Variants in CYFIP1 observed in about 807,000 individuals in gnomAD.
CYFIP1 encodes the protein cytoplasmic FMR1-interacting protein 1.
Under a neutral mutation model 163.5 loss-of-function variants are expected in CYFIP1, and 58 were observed. The observed-to-expected ratio is 0.35, with a 90% CI of 0.29 to 0.44. The LOEUF (loss-of-function observed/expected upper bound fraction) is 0.44, where lower values mean the gene tolerates loss of function less well. CYFIP1 is among the 20% of genes least tolerant of loss of function. The pLI is 1.00. For synonymous variants in CYFIP1, 663 were observed against 660.7 expected (o/e 1.00, Z -0.05); for missense variants, 1,338 against 1,653.8 (o/e 0.81, Z 3.31).
rs1232298059 is a variant in CYFIP1, at chr15:22,917,777, G to A, written c.1674+11C>T. 1 of 1,592,618 alleles carries A rather than the reference G, an allele frequency of 6.3e-7. No homozygotes were observed. The highest frequency in any genetic ancestry group is 1.7e-5 in the Admixed American group (1 of 58,152). On this transcript the variant is annotated intron_variant, in intron 15 of 30. Coordinates refer to ENST00000617928, the MANE Select transcript of CYFIP1 (RefSeq NM_014608.6). This position sits in a 1 kb window ranked among gnomAD's most constrained non-coding sequence, Gnocchi z 4.2. ...GGGAGAGGGTGCAGGCGGGGCTCAA[G>A]GGACGAGAACCTGAGTGCTGGAGGG...
At chr15:22,870,232 T>TC (rs1167788584) in intron 30 of CYFIP1, 40 bp from the exon 31 acceptor site, 1 of 1,548,368 alleles carries the variant, frequency 6.5e-7, no homozygotes, top group Non-Finnish European at 8.7e-7. Flanking sequence ...TATTAACACT[T>TC]CAACATTTAT....
rs563127436 is a variant in CYFIP1, at chr15:22,916,924, G to A, written c.1675-294C>T. ...GGTAGGTAGGTGCACGACTGCCTCA[G>A]AAACGTGTTAACCGCATGCAAGAGC... On this transcript the variant is annotated intron_variant, in intron 15 of 30. Coordinates refer to ENST00000617928, the MANE Select transcript of CYFIP1 (RefSeq NM_014608.6). The A allele has an allele frequency of 9.0e-6, 14 of 1,551,750 alleles. No individual in the cohort carries two copies. In the East Asian group the frequency reaches 2.0e-4, roughly 22 times the overall value.
At chr15:22,873,042 C>T in intron 29 of CYFIP1, 70 bp from the exon 30 acceptor site, 2 of 1,555,404 alleles carry the variant, frequency 1.3e-6, no homozygotes, top group Middle Eastern at 3.4e-4. Context: ...CAGTCTGTCT[C>T]CAGATGTCAG....
chr15:22,869,993 A>AT lies in CYFIP1; in HGVS notation c.*34dup. 1.3e-6 allele frequency: 2 copies of AT among 1,535,258 alleles called. No homozygotes were observed. ...CTAAATAGTTTACGGAGAGAAAGGC[A>AT]TGCCATGTTGAGTTACGGAGTGCAG... On this transcript the variant is annotated 3_prime_UTR_variant, in exon 31 of 31. Coordinates refer to ENST00000617928, the MANE Select transcript of CYFIP1 (RefSeq NM_014608.6).
At position 22,932,348 on chromosome 15, in the gene CYFIP1, G is replaced by A. The variant is rs1161042385; in HGVS notation, c.993-8C>T. The A allele has an allele frequency of 2.0e-5, 31 of 1,584,768 alleles. No homozygotes were observed. Among genetic ancestry groups the A allele is most frequent in the East Asian group, 9.3e-5 (4 of 43,190 alleles). On this transcript the variant is annotated splice_polypyrimidine_tract_variant and splice_region_variant and intron_variant, in intron 10 of 30. Transcript: ENST00000617928. ...GAGGATGTGCACGTCCATCTGTGCA[G>A]AGAGAAAGCACCCGCGTTACCTGCG...
chr15:22,912,666 C>T (rs1452297104), intron 17 of CYFIP1, among the ~76,000 whole-genome samples: 1 of 152,220 alleles, frequency 6.6e-6, no homozygotes, highest in Non-Finnish European at 1.5e-5. Context: ...TGCCTGTAAT[C>T]CCAGCACTTT....
At chr15:22,905,036 C>G (rs894540165) in intron 21 of CYFIP1, 2 of 152,176 alleles carry the variant, frequency 1.3e-5, no homozygotes, top group African/African-American at 4.8e-5. Context: ...ATTCACAGTT[C>G]CTTTCCTTGG....
At chr15:22,909,376 C>T (rs908750786) in intron 20 of CYFIP1, 63 bp from the exon 21 acceptor site, 27 of 1,597,472 alleles carry the variant, frequency 1.7e-5, no homozygotes, top group Admixed American at 6.7e-5. Context: ...AAACAACAAA[C>T]GCCTCACCAG....
chr15:22,906,616 C>A (rs576965119), intron 21 of CYFIP1, among the ~76,000 whole-genome samples: 8 of 152,046 alleles, frequency 5.3e-5, no homozygotes, highest in Non-Finnish European at 1.2e-4. Flanking sequence ...CAGGCGTCCG[C>A]CATCAAGCCT....
At chr15:22,903,984 C>T (rs2060488757) in intron 21 of CYFIP1, 79 bp from the exon 22 acceptor site, 1 of 1,315,638 alleles carries the variant, frequency 7.6e-7, no homozygotes, top group South Asian at 1.2e-5. Flanking sequence ...TGATCCCACC[C>T]AGGCCTCACA....
In CYFIP1 at chr15:22,873,413, G is replaced by A. The variant is rs1366571388; in HGVS notation, c.3449+78C>T. ...ACTTCCTGAGCATGGCTGGCTGCTT[G>A]TTAGCCTAACACGCCTCCCCTCCCC... On this transcript the variant is annotated intron_variant, in intron 29 of 30. Coordinates refer to ENST00000617928, the MANE Select transcript of CYFIP1 (RefSeq NM_014608.6). 11 of 1,229,316 alleles carry A rather than the reference G, an allele frequency of 8.9e-6. No individual in the cohort carries two copies. In the East Asian group the frequency reaches 2.1e-4, roughly 24 times the overall value. The allele number at this position is 1,229,316 out of a possible 1,614,324, so 76.2% of individuals were successfully genotyped here.
chr15:22,938,556 G>A (rs752709058), intron 8 of CYFIP1, among the ~76,000 whole-genome samples: 3 of 151,802 alleles, frequency 2.0e-5, no homozygotes, highest in Non-Finnish European at 4.4e-5. Context: ...AGTGAGCTGT[G>A]TCCGCACCAT....
chr15:22,910,932 C>G lies in CYFIP1; in HGVS notation c.2083-119G>C, dbSNP rs142739050. The G allele has an allele frequency of 1.8e-5, 16 of 871,208 alleles. No individual in the cohort carries two copies. The Admixed American group carries it at 3.4e-4, about 19-fold the overall frequency. The allele number at this position is 871,208 out of a possible 1,614,324, so 54.0% of individuals were successfully genotyped here. ...CTGAGGCTCTTTTATTTTTTTGAGA[C>G]GGAGTCTTGCTCTGTTGCCCAGGCT... is the stretch of plus-strand genomic sequence containing the variant. On this transcript the variant is annotated intron_variant, in intron 18 of 30. Transcript: ENST00000617928.
rs1213580906 is a variant in CYFIP1 at position 22,903,733 on chromosome 15, T to C, written c.2561A>G (p.Asn854Ser). The C allele has an allele frequency of 6.2e-7, 1 of 1,613,802 alleles. No individual in the cohort carries two copies. The change falls in exon 22 of 31, where the codon AAC (asparagine) becomes AGC (serine). Residue 854 changes from asparagine (N) to serine (S), a missense_variant. Physicochemically the swap from Asn to Ser is conservative, Grantham distance 46 (BLOSUM62 1). Around this residue, in one of 4 missense-constraint regions of CYFIP1, gnomAD observed 824 missense variants for 995.7 expected, o/e 0.83. Transcript: ENST00000617928. ...FWELNYDFLPNYCYNGSTNRF... is the reference protein window; with the variant it reads ...FWELNYDFLPSYCYNGSTNRF... ...GTTGGTAGAGCCGTTGTAGCAGTAG[T>C]TGGGCAGGAAGTCATAGTTGAGCTC... is the stretch of plus-strand genomic sequence containing the variant.
In CYFIP1 at chr15:22,939,293, A is replaced by C. The variant is rs1200141290; in HGVS notation, c.694T>G (p.Ser232Ala). 1 of 1,614,172 alleles carries C rather than the reference A, an allele frequency of 6.2e-7. No individual in the cohort carries two copies. The highest frequency in any genetic ancestry group is 8.5e-7 in the Non-Finnish European group (1 of 1,180,016). ...TCTGCCAGGAGCTCTTCGTAGCCAG[A>C]AATCACTTCGAGCTGCTGCTGCAGA... ...QSLQQQLEVI[S>A]GYEELLADIV... Residue 232 changes from serine to alanine, a missense_variant, in exon 8 of 31, where the codon TCT becomes GCT. Transcript: ENST00000617928.
rs1357339194 is a variant in CYFIP1, at chr15:22,939,468, G to A, written c.609C>T (p.Ser203=). ...TGGACAGATTCTGCGATTCCTGGAT[G>A]GACTGTGGATCTGCCATTTTACGTA... ...QFLRKMADPQ[S]IQESQNLSMF... Residue 203 remains serine (S), a synonymous_variant, in exon 7 of 31, where the codon TCC becomes TCT. Transcript: ENST00000617928. 2.5e-6 allele frequency: 4 copies of A among 1,610,754 alleles called. No individual in the cohort carries two copies. In the South Asian group the frequency reaches 4.4e-5, roughly 18 times the overall value.
At chr15:22,926,558 C>T (rs1399495521) in intron 12 of CYFIP1, among the ~76,000 whole-genome samples, 2 of 152,094 alleles carry the variant, frequency 1.3e-5, no homozygotes, top group Non-Finnish European at 2.9e-5. Context: ...TTTCAAATGA[C>T]CATGTACTCT....
intron 23 of CYFIP1, among the ~76,000 whole-genome samples, chr15:22,887,675 C>T (rs1433435373): frequency 5.3e-5 from 8 of 152,148 alleles, no homozygotes; most frequent in Admixed American, 3.9e-4. Context: ...AAAGATGACA[C>T]ATCCGAGAGA....
At chr15:22,932,636 C>T (rs926389046) in intron 10 of CYFIP1, among the ~76,000 whole-genome samples, 3 of 152,138 alleles carry the variant, frequency 2.0e-5, no homozygotes, top group Admixed American at 1.3e-4. Flanking sequence ...GCTACGGGCA[C>T]AGTGCTTGGC....
Sources: allele counts gnomAD v4.1 joint callset (sites outside exome capture counted in the v4.1 genomes callset), GRCh38; gene constraint gnomAD v4.1.1; regional missense constraint gnomAD v4.1.1; non-coding constraint Gnocchi (gnomAD v3.1); transcripts MANE v1.5; gene names NCBI Gene and HGNC (gene_info 2026-07-23, HGNC 2026-07-21).